CD300LB: variants seen among roughly 807,000 people sequenced by gnomAD.
CD300LB encodes CD300 molecule like family member b, also known as CMRF35-like molecule 7.
CD300LB carries 18 observed loss-of-function variants against 20.8 expected under a neutral mutation model. That is an observed-to-expected ratio of 0.87 (90% CI 0.60 to 1.28). The LOEUF (loss-of-function observed/expected upper bound fraction) is 1.28, where lower values mean the gene tolerates loss of function less well. Among genes scored for constraint, CD300LB ranks in the 50% most tolerant of loss-of-function variants. CD300LB has a pLI of 0.00. For synonymous variants in CD300LB, 91 were observed against 91.3 expected, an observed-to-expected ratio of 1.00 and a Z score of 0.02; for missense variants, 222 against 251.8, an observed-to-expected ratio of 0.88 and a Z score of 0.80.
intron 1 of CD300LB, among the ~76,000 whole-genome samples, chr17:74,527,392 C>T (rs149677303): frequency 2.3e-3 from 357 of 152,396 alleles, no homozygotes; most frequent in African/African-American, 8.2e-3. Flanking sequence ...CCAGGGGTCT[C>T]TGCAGGGTGG....
In CD300LB at chr17:74,521,313, G is replaced by A. The variant is rs760215656; in HGVS notation, c.*1425C>T. 1.6e-5 allele frequency: 16 copies of A among 979,846 alleles called. No individual in the cohort carries two copies. Among genetic ancestry groups the A allele is most frequent in the African/African-American group, 5.3e-5 (3 of 57,136 alleles). The allele number at this position is 979,846 out of a possible 1,614,324, so 60.7% of individuals were successfully genotyped here. A position where few individuals can be genotyped will look rare whatever the true frequency, so the allele number is the denominator to read the frequency against. On this transcript the variant is annotated 3_prime_UTR_variant, in exon 4 of 4. Transcript: ENST00000392621. Reference sequence around the variant, plus strand: ...ACCATGCTTTGGCTTTCCCTCCCGCGGAGCGGTGCCGTCCTCCCTGGGTCT... The same window carrying A: ...ACCATGCTTTGGCTTTCCCTCCCGCAGAGCGGTGCCGTCCTCCCTGGGTCT...
At chr17:74,528,617 C>T (rs1030503441) in intron 1 of CD300LB, among the ~76,000 whole-genome samples, 1 of 150,306 alleles carries the variant, frequency 6.7e-6, no homozygotes, top group African/African-American at 2.5e-5. Context: ...TCAGCTCTAT[C>T]CTAGAGATGC....
chr17:74,530,574 CA>C (rs1908174949), intron 1 of CD300LB, among the ~76,000 whole-genome samples: 1 of 151,504 alleles, frequency 6.6e-6, no homozygotes, highest in Non-Finnish European at 1.5e-5. Context: ...CACACACACA[CA>C]CACACACACA....
chr17:74,523,532 T>C lies in CD300LB; in HGVS notation c.443+47A>G, dbSNP rs779813963. Reference sequence around the variant, plus strand: ...GGAGTTCCCAGGCTTGGCTTCCCCTTAGGAGGGACCCCAGGTAGGGGCAGG... The same window carrying C: ...GGAGTTCCCAGGCTTGGCTTCCCCTCAGGAGGGACCCCAGGTAGGGGCAGG... On this transcript the variant is annotated intron_variant, in intron 3 of 3. Coordinates refer to ENST00000392621, the MANE Select transcript of CD300LB (RefSeq NM_174892.4). 4 of 1,384,910 alleles carry C rather than the reference T, an allele frequency of 2.9e-6. No homozygotes were observed. The South Asian group carries it at 4.6e-5, about 16-fold the overall frequency. 85.8% of individuals were successfully genotyped at this position (1,384,910 alleles called of 1,614,324 possible).
In CD300LB at chr17:74,522,678, A is replaced by G. The variant is rs1238182635; in HGVS notation, c.*60T>C. On this transcript the variant is annotated 3_prime_UTR_variant, in exon 4 of 4. Coordinates refer to ENST00000392621, the MANE Select transcript of CD300LB (RefSeq NM_174892.4). ...CCGAGGACTCGTAGATGTTCCTTCCACAGCCCGAGTCTCTTCTGGAAACGT... is the reference window on the plus strand; with the variant it reads ...CCGAGGACTCGTAGATGTTCCTTCCGCAGCCCGAGTCTCTTCTGGAAACGT... The G allele has an allele frequency of 1.2e-6, 2 of 1,600,750 alleles. No homozygotes were observed. Among genetic ancestry groups the G allele is most frequent in the Non-Finnish European group, 1.7e-6 (2 of 1,172,090 alleles).
intron 1 of CD300LB, among the ~76,000 whole-genome samples, chr17:74,530,445 C>T (rs1908169013): frequency 6.6e-6 from 1 of 152,042 alleles, no homozygotes; most frequent in African/African-American, 2.4e-5. Flanking sequence ...GTGTTTCCAA[C>T]CTCATATCCA....
chr17:74,526,123 C>G, intron 1 of CD300LB, 46 bp from the exon 2 acceptor site: 1 of 1,585,700 alleles, frequency 6.3e-7, no homozygotes, highest in Middle Eastern at 1.8e-4. Flanking sequence ...CCGGCACGAA[C>G]CCCTGCTCTG....
chr17:74,523,650 C>T lies in CD300LB; in HGVS notation c.372G>A (p.Glu124=), dbSNP rs1441184291. ...AGCTTGCTGTTGTGGAAGCCGCTCCCTCTAGACACAGGCAAAGTCAGCCAT... is the reference window on the plus strand; with the variant it reads ...AGCTTGCTGTTGTGGAAGCCGCTCCTTCTAGACACAGGCAAAGTCAGCCAT... The part of the protein sequence containing the change: ...GTQVKVIVDP[E]GAASTTASSP... Residue 124 remains glutamate, a splice_region_variant and synonymous_variant, in exon 3 of 4, where the codon GAG becomes GAA. Coordinates refer to ENST00000392621, the MANE Select transcript of CD300LB (RefSeq NM_174892.4). 3 of 1,611,738 alleles carry T rather than the reference C, an allele frequency of 1.9e-6. No homozygotes were observed. Among genetic ancestry groups the T allele is most frequent in the Non-Finnish European group, 2.5e-6 (3 of 1,177,946 alleles).
At chr17:74,525,153 T>G (rs1567999042) in intron 2 of CD300LB, among the ~76,000 whole-genome samples, 3 of 151,606 alleles carry the variant, frequency 2.0e-5, no homozygotes, top group African/African-American at 7.3e-5. Flanking sequence ...ATCAGTAGAG[T>G]CCAAGGCATG....
At chr17:74,525,619 CTG>C (rs1491554614) in intron 2 of CD300LB, 127 bp downstream of exon 2, 48 of 789,352 alleles carry the variant, frequency 6.1e-5, no homozygotes, top group Middle Eastern at 2.8e-4. Context: ...GTCTGTCTGT[CTG>C]TCTCTCTCTC....
intron 1 of CD300LB, among the ~76,000 whole-genome samples, chr17:74,530,934 G>A (rs1202712214): frequency 1.3e-5 from 2 of 152,042 alleles, no homozygotes; most frequent in Non-Finnish European, 2.9e-5. Context: ...CTCCCAAGTA[G>A]CTGGGACTAC....
intron 1 of CD300LB, among the ~76,000 whole-genome samples, chr17:74,526,874 T>C (rs1455690831): frequency 6.6e-6 from 1 of 152,196 alleles, no homozygotes; most frequent in Admixed American, 6.5e-5. Flanking sequence ...CCCAGCACAC[T>C]GCGGGGGTAC....
chr17:74,528,083 C>T (rs1908090031), intron 1 of CD300LB, among the ~76,000 whole-genome samples: 1 of 151,838 alleles, frequency 6.6e-6, no homozygotes, highest in African/African-American at 2.4e-5. Flanking sequence ...TCTCCCATCA[C>T]CCCCAGATGG....
Position 74,527,619 on chromosome 17 carries a change from G to C in CD300LB, c.41-1542C>G, listed in dbSNP as rs554713463. Among the ~76,000 whole-genome samples, 18 of 152,368 alleles carry C rather than the reference G, an allele frequency of 1.2e-4. 1 individual carries two copies. Among genetic ancestry groups the C allele is most frequent in the African/African-American group, 4.3e-4 (18 of 41,584 alleles). The stretch of plus-strand genomic sequence containing the variant: ...TGATGAAGTTAAGGACCTTGAGACA[G>C]GAAGAATATCCCGAATAATCTCCAT... On this transcript the variant is annotated intron_variant, in intron 1 of 3. Transcript: ENST00000392621.
chr17:74,524,759 G>A lies in CD300LB; in HGVS notation c.370+989C>T, dbSNP rs866236465. ...CTGTAGATCCCCCACCCAAGACTCC[G>A]GAACATCTCTCTCCCTAAAGCTCCA... On this transcript the variant is annotated intron_variant, in intron 2 of 3. Coordinates refer to ENST00000392621, the MANE Select transcript of CD300LB (RefSeq NM_174892.4). Among the ~76,000 whole-genome samples the A allele has an allele frequency of 2.6e-4, 40 of 152,118 alleles. 1 individual carries two copies. The highest frequency in any genetic ancestry group is 8.2e-4 in the African/African-American group (34 of 41,476).
chr17:74,525,618 T>C, intron 2 of CD300LB, 130 bp downstream of exon 2: 1 of 774,418 alleles, frequency 1.3e-6, no homozygotes, highest in Non-Finnish European at 2.0e-6. Context: ...TGTCTGTCTG[T>C]CTGTCTCTCT....
At chr17:74,525,295 C>T (rs1171207) in intron 2 of CD300LB, among the ~76,000 whole-genome samples, 19,125 of 152,122 alleles carry the variant, frequency 0.13, 1,413 homozygotes, top group East Asian at 0.32. Context: ...TCTTACACAG[C>T]CAGATAAAGT....
intron 3 of CD300LB, 87 bp downstream of exon 3, chr17:74,523,492 A>G: frequency 1.1e-6 from 1 of 921,512 alleles, no homozygotes; most frequent in Non-Finnish European, 1.8e-6. Flanking sequence ...AGGTGCTGGC[A>G]TTTGGTGACA....
intron 2 of CD300LB, among the ~76,000 whole-genome samples, chr17:74,524,608 T>TAAAACAAAAC (rs1182149740): frequency 1.3e-5 from 2 of 151,730 alleles, no homozygotes; most frequent in Non-Finnish European, 2.9e-5. Flanking sequence ...CAAAACAAAA[T>TAAAACAAAAC]AAAACAAAAC....
Sources: gnomAD v4.1 joint callset for allele counts (sites outside exome capture counted in the v4.1 genomes callset) on GRCh38, gnomAD v4.1.1 for gene constraint, MANE v1.5 for transcripts, NCBI Gene and HGNC (gene_info 2026-07-23, HGNC 2026-07-21) for gene names.